Variants in RHBDL3 observed in about 807,000 individuals in gnomAD.
RHBDL3 encodes rhomboid-related protein 3.
In RHBDL3, 28 loss-of-function variants were observed where a neutral mutation model predicts 48.2. The ratio of observed to expected loss-of-function variants is 0.58; its 90% CI spans 0.43 to 0.80. The LOEUF is 0.80. Among genes scored for constraint, RHBDL3 ranks in the 30% least tolerant of loss-of-function variants. RHBDL3 has a pLI of 0.00. For missense variants in RHBDL3, 464 were observed against 542.7 expected (o/e 0.85, Z 1.44); for synonymous variants, 208 against 232.3 (o/e 0.90, Z 0.95).
chr17:32,274,870 GTGCATGTGTGTGTGTGTGCACGCA>G (rs1489353903), intron 2 of RHBDL3, among the ~76,000 whole-genome samples: 6 of 152,084 alleles, frequency 3.9e-5, no homozygotes, highest in South Asian at 2.1e-4. Context: ...GTGCAAGAGT[GTGCATGTGTGTGTGTGTGCACGCA>G]TGCATGTGTG....
chr17:32,296,773 C>CTTTTT lies in RHBDL3; in HGVS notation c.669-1317_669-1313dup, dbSNP rs1015613292. ...TATTTTTCTTTAAACACCCGTAGCT[C>CTTTTT]TTTTTTATTTTATTTTATTTTATTT... is the stretch of plus-strand genomic sequence containing the variant. On this transcript the variant is annotated intron_variant, in intron 5 of 8. Coordinates refer to ENST00000269051, the MANE Select transcript of RHBDL3 (RefSeq NM_138328.3). Among the ~76,000 whole-genome samples the CTTTTT allele has an allele frequency of 4.1e-5, 6 of 146,092 alleles. No homozygotes were observed. In the East Asian group the frequency reaches 1.2e-3, roughly 30 times the overall value.
rs756569234 is a variant in RHBDL3 at position 32,284,657 on chromosome 17, A to G, written c.136-2A>G. ...CCCTGCTGCTGTCTGCTTTTCCCTC[A>G]GTTTGACCCTGGGAACACAGGCTAC... On this transcript the variant is annotated splice_acceptor_variant, in intron 2 of 8. Transcript: ENST00000269051. LOFTEE classifies it high-confidence loss of function. The G allele has an allele frequency of 1.2e-6, 2 of 1,613,682 alleles. No homozygotes were observed. The highest frequency in any genetic ancestry group is 1.7e-6 in the Non-Finnish European group (2 of 1,179,630).
intron 7 of RHBDL3, among the ~76,000 whole-genome samples, chr17:32,315,683 C>G (rs551636187): frequency 6.6e-6 from 1 of 151,980 alleles, no homozygotes; most frequent in South Asian, 2.1e-4. Context: ...AAGTCTCTCT[C>G]TGAAGTTTTC....
intron 4 of RHBDL3, among the ~76,000 whole-genome samples, chr17:32,291,987 G>C (rs1171652438): frequency 1.3e-5 from 2 of 151,910 alleles, no homozygotes; most frequent in African/African-American, 4.8e-5. Flanking sequence ...GGTCAGTCTG[G>C]TCTCAAACTC....
intron 7 of RHBDL3, among the ~76,000 whole-genome samples, chr17:32,313,918 A>C (rs8071807): frequency 1.3e-5 from 2 of 151,638 alleles, no homozygotes; most frequent in Non-Finnish European, 2.9e-5. Flanking sequence ...CACCATGCCC[A>C]GCTAATTTTT....
intron 6 of RHBDL3, among the ~76,000 whole-genome samples, chr17:32,303,930 C>T (rs1414110129): frequency 5.3e-5 from 8 of 152,166 alleles, no homozygotes; most frequent in Admixed American, 4.6e-4. Context: ...CTAATTGGCT[C>T]TTGAGCCCCT....
intron 2 of RHBDL3, among the ~76,000 whole-genome samples, chr17:32,272,193 A>C (rs2039787321): frequency 6.6e-6 from 1 of 152,276 alleles, no homozygotes; most frequent in Non-Finnish European, 1.5e-5. Flanking sequence ...TTGGAGAAGC[A>C]CAAGGACCAC....
chr17:32,313,146 C>T (rs2040884773), intron 7 of RHBDL3, among the ~76,000 whole-genome samples: 1 of 151,962 alleles, frequency 6.6e-6, no homozygotes, highest in African/African-American at 2.4e-5. Flanking sequence ...CACTTGAGGC[C>T]AGGAGTTCAA....
intron 2 of RHBDL3, among the ~76,000 whole-genome samples, chr17:32,275,109 G>A (rs892928182): frequency 2.0e-5 from 3 of 152,128 alleles, no homozygotes; most frequent in Admixed American, 6.5e-5. Context: ...GAGAAGCAGC[G>A]GCGGCCAGCA....
intron 1 of RHBDL3, among the ~76,000 whole-genome samples, chr17:32,266,642 C>T (rs964245225): frequency 2.0e-5 from 3 of 152,224 alleles, no homozygotes; most frequent in Admixed American, 6.5e-5. Context: ...GTGACTCCCC[C>T]TCCCCTCACG....
chr17:32,267,099 C>G (rs1295492359), intron 1 of RHBDL3, among the ~76,000 whole-genome samples: 2 of 152,212 alleles, frequency 1.3e-5, no homozygotes, highest in Non-Finnish European at 2.9e-5. Context: ...ACACCCTGCC[C>G]TGCCCACTCC....
At position 32,305,328 on chromosome 17, in the gene RHBDL3, C is replaced by T. The variant is rs370833380; in HGVS notation, c.782-13C>T. 1.9e-6 allele frequency: 3 copies of T among 1,597,776 alleles called. No individual in the cohort carries two copies. The African/African-American group carries it at 4.0e-5, about 21-fold the overall frequency. On this transcript the variant is annotated splice_polypyrimidine_tract_variant and intron_variant, in intron 6 of 8. Coordinates refer to ENST00000269051, the MANE Select transcript of RHBDL3 (RefSeq NM_138328.3). ...CCGCACTCCTGAGAATTCTCGCTGT[C>T]TTTCTGTACTAGGGTCCTTGGCAGT...
At chr17:32,296,258 A>C (rs1352321977) in intron 5 of RHBDL3, among the ~76,000 whole-genome samples, 1 of 146,018 alleles carries the variant, frequency 6.8e-6, no homozygotes, top group Non-Finnish European at 1.5e-5. Flanking sequence ...AAAAAAAAAA[A>C]GAAAAAAGAA....
chr17:32,303,548 CA>C (rs1246244094), intron 6 of RHBDL3, among the ~76,000 whole-genome samples: 1 of 152,212 alleles, frequency 6.6e-6, no homozygotes, highest in East Asian at 1.9e-4. Flanking sequence ...GACAATAGAT[CA>C]ATACCTAATT....
At chr17:32,290,559 C>T (rs1216411097) in intron 4 of RHBDL3, among the ~76,000 whole-genome samples, 1 of 152,012 alleles carries the variant, frequency 6.6e-6, no homozygotes. Flanking sequence ...ACCTGGCTTT[C>T]GGATTTCATA....
rs545822883 is a variant in RHBDL3 at position 32,306,084 on chromosome 17, G to A, written c.882+643G>A. 3.3e-5 allele frequency among the ~76,000 whole-genome samples: 5 copies of A among 152,326 alleles called. No individual in the cohort carries two copies. In the East Asian group the frequency reaches 9.6e-4, roughly 29 times the overall value. ...CTTGTCCAAAGTCACAGTCAAGTTTGTGGCAAAATGAGGGCTTAAACCCGT... is the reference window on the plus strand; with the variant it reads ...CTTGTCCAAAGTCACAGTCAAGTTTATGGCAAAATGAGGGCTTAAACCCGT... On this transcript the variant is annotated intron_variant, in intron 7 of 8. Transcript: ENST00000269051.
intron 7 of RHBDL3, among the ~76,000 whole-genome samples, chr17:32,309,179 A>AGTGTGTGTGTGT (rs61558385): frequency 3.3e-5 from 5 of 149,620 alleles, no homozygotes; most frequent in East Asian, 2.0e-4. Flanking sequence ...GAAGGTTTGG[A>AGTGTGTGTGTGT]GTGTGTGTGT....
At position 32,300,775 on chromosome 17, in the gene RHBDL3, TC is replaced by T. The variant is rs2040563785; in HGVS notation, c.781+2574del. 9.2e-5 allele frequency among the ~76,000 whole-genome samples: 14 copies of T among 152,238 alleles called. No individual in the cohort carries two copies. The South Asian group carries it at 2.9e-3, about 32-fold the overall frequency. Reference sequence around the variant, plus strand: ...TGTCCTATATGGTGGGTACTACCACTCCCATTTTACAGGCAGCCCAGGGAGG... The same window carrying T: ...TGTCCTATATGGTGGGTACTACCACTCCATTTTACAGGCAGCCCAGGGAGG... On this transcript the variant is annotated intron_variant, in intron 6 of 8. Coordinates refer to ENST00000269051, the MANE Select transcript of RHBDL3 (RefSeq NM_138328.3).
chr17:32,299,063 T>TTTTTAA (rs2040522315), intron 6 of RHBDL3, among the ~76,000 whole-genome samples: 1 of 151,446 alleles, frequency 6.6e-6, no homozygotes, highest in Non-Finnish European at 1.5e-5. Flanking sequence ...TTTTTTTTTT[T>TTTTTAA]AACAAGGTTT....
Sources: allele counts gnomAD v4.1 joint callset (sites outside exome capture counted in the v4.1 genomes callset), GRCh38; gene constraint gnomAD v4.1.1; transcripts MANE v1.5; gene names NCBI Gene and HGNC (gene_info 2026-07-23, HGNC 2026-07-21).